The following FLRT2 variants were observed in gnomAD, a reference collection of about 807,000 sequenced individuals.
The protein encoded by FLRT2 is fibronectin leucine rich transmembrane protein 2, also known as leucine-rich repeat transmembrane protein FLRT2.
FLRT2 carries 15 observed loss-of-function variants against 40.0 expected under a neutral mutation model. The observed-to-expected ratio is 0.38, with a 90% CI of 0.25 to 0.58. FLRT2 has a LOEUF of 0.58. Ranked by LOEUF, FLRT2 falls within the 20% of genes least tolerant of loss-of-function variation. FLRT2 has a pLI of 0.71. For synonymous variants in FLRT2, 380 were observed against 336.8 expected, an observed-to-expected ratio of 1.13 and a Z score of -1.41; for missense variants, 726 against 840.0, an observed-to-expected ratio of 0.86 and a Z score of 1.68.
intron 1 of FLRT2, among the ~76,000 whole-genome samples, chr14:85,609,669 G>C (rs538247412): frequency 1.3e-5 from 2 of 152,320 alleles, no homozygotes; most frequent in East Asian, 3.9e-4. Flanking sequence ...ACCAGAGCAT[G>C]AGTGGGCACC....
intron 1 of FLRT2, among the ~76,000 whole-genome samples, chr14:85,602,283 A>C (rs1956633): frequency 0.48 from 72,583 of 151,986 alleles, 17,766 homozygotes; most frequent in East Asian, 0.77. Context: ...ATTCAAATTC[A>C]GTTTCTCAAA....
rs1442073960 is a variant in FLRT2, at chr14:85,646,331, T to G, written c.*22834T>G. The G allele has an allele frequency of 6.6e-6, 1 of 152,208 alleles. No individual in the cohort carries two copies. Among genetic ancestry groups the G allele is most frequent in the Non-Finnish European group, 1.5e-5 (1 of 68,038 alleles). 9.4% of individuals were successfully genotyped at this position (152,208 alleles called of 1,614,324 possible). A position where few individuals can be genotyped will look rare whatever the true frequency, so the allele number is the denominator to read the frequency against. On this transcript the variant is annotated 3_prime_UTR_variant, in exon 2 of 2. Transcript: ENST00000330753. ...AGTGGCCAATACCTGGCCCTTTTTG[T>G]CTGTAGTTAAATGTGATGTGAGGAA...
chr14:85,552,848 G>C (rs1234176692), intron 1 of FLRT2: 1 of 152,128 alleles, frequency 6.6e-6, no homozygotes, highest in Non-Finnish European at 1.5e-5. Flanking sequence ...GCTGCTGTAA[G>C]TAATGACTTT....
At chr14:85,596,985 T>C (rs1276495591) in intron 1 of FLRT2, among the ~76,000 whole-genome samples, 1 of 152,208 alleles carries the variant, frequency 6.6e-6, no homozygotes, top group Non-Finnish European at 1.5e-5. Context: ...TTATTATCTT[T>C]AGCTGTGCCT....
intron 1 of FLRT2, among the ~76,000 whole-genome samples, chr14:85,538,260 A>G (rs1888787582): frequency 6.6e-6 from 1 of 152,162 alleles, no homozygotes; most frequent in African/African-American, 2.4e-5. Flanking sequence ...GTCAAAGAAA[A>G]TATTCTTATA....
chr14:85,585,171 T>C (rs1478000009), intron 1 of FLRT2, among the ~76,000 whole-genome samples: 2 of 152,148 alleles, frequency 1.3e-5, no homozygotes, highest in Non-Finnish European at 2.9e-5. Flanking sequence ...AGGGACCTAA[T>C]GCATGTCCAG....
chr14:85,591,400 A>G (rs1566743927), intron 1 of FLRT2, among the ~76,000 whole-genome samples: 2 of 152,326 alleles, frequency 1.3e-5, no homozygotes, highest in East Asian at 1.9e-4. Context: ...ATCAGTAGTG[A>G]CTGGATGTTG....
intron 1 of FLRT2, among the ~76,000 whole-genome samples, chr14:85,605,884 C>T (rs1892586681): frequency 1.3e-5 from 2 of 152,120 alleles, no homozygotes; most frequent in South Asian, 4.1e-4. Flanking sequence ...TCCATAGCAC[C>T]GATTGAATTC....
At chr14:85,576,061 C>T (rs1891115191) in intron 1 of FLRT2, among the ~76,000 whole-genome samples, 1 of 152,070 alleles carries the variant, frequency 6.6e-6, no homozygotes, top group Non-Finnish European at 1.5e-5. Context: ...TGTTCATGGA[C>T]TTGTTTATTT....
At chr14:85,618,884 A>C (rs1473721037) in intron 1 of FLRT2, among the ~76,000 whole-genome samples, 1 of 152,138 alleles carries the variant, frequency 6.6e-6, no homozygotes, top group East Asian at 1.9e-4. Flanking sequence ...GAGTACCAAG[A>C]TGTTAGGGAA....
At chr14:85,596,501 CGTT>C (rs60592534) in intron 1 of FLRT2, among the ~76,000 whole-genome samples, 6 of 151,662 alleles carry the variant, frequency 4.0e-5, no homozygotes, top group South Asian at 2.1e-4. Context: ...TCTTTGTTGT[CGTT>C]GTTGTTGTTG....
At chr14:85,557,984 T>G (rs1037477338) in intron 1 of FLRT2, among the ~76,000 whole-genome samples, 8 of 152,148 alleles carry the variant, frequency 5.3e-5, no homozygotes, top group Admixed American at 3.9e-4. Flanking sequence ...AATGTAGACT[T>G]CTGTGGAAAG....
chr14:85,572,054 C>T (rs758739691), intron 1 of FLRT2, among the ~76,000 whole-genome samples: 1 of 152,202 alleles, frequency 6.6e-6, no homozygotes, highest in Admixed American at 6.5e-5. Flanking sequence ...CCAGCCTAGA[C>T]AGCTATGGCC....
chr14:85,623,210 A>G lies in FLRT2; in HGVS notation c.1696A>G (p.Met566Val). 6.5e-7 allele frequency: 1 copy of G among 1,536,736 alleles called. No individual in the cohort carries two copies. The highest frequency in any genetic ancestry group is 8.7e-7 in the Non-Finnish European group (1 of 1,143,172). Reference protein sequence around the residue: ...VVLLSVFCWHMHKKGRYTSQK... With the variant: ...VVLLSVFCWHVHKKGRYTSQK... Reference sequence around the variant, plus strand: ...CTTGCTCAGCGTCTTTTGCTGGCATATGCACAAAAAGGGGCGCTACACCTC... The same window carrying G: ...CTTGCTCAGCGTCTTTTGCTGGCATGTGCACAAAAAGGGGCGCTACACCTC... The change falls in exon 2 of 2, where the codon ATG becomes GTG. Residue 566 changes from methionine to valine, a missense_variant. Physicochemically the swap from Met to Val is conservative, Grantham distance 21. This residue lies in a region of FLRT2 where 611 missense variants were observed against 690.0 expected (regional missense o/e 0.89). Transcript: ENST00000330753.
chr14:85,579,248 G>A (rs1891279098), intron 1 of FLRT2, among the ~76,000 whole-genome samples: 1 of 152,106 alleles, frequency 6.6e-6, no homozygotes, highest in African/African-American at 2.4e-5. Flanking sequence ...TGCTTACTGG[G>A]ATTATGGGTT....
intron 1 of FLRT2, among the ~76,000 whole-genome samples, chr14:85,568,359 G>GT (rs1890727478): frequency 6.6e-6 from 1 of 152,116 alleles, no homozygotes; most frequent in African/African-American, 2.4e-5. Context: ...AATGCTTATT[G>GT]TAAGGAGAGT....
intron 1 of FLRT2, among the ~76,000 whole-genome samples, chr14:85,619,098 T>C (rs1893268230): frequency 6.6e-6 from 1 of 151,654 alleles, no homozygotes; most frequent in African/African-American, 2.4e-5. Flanking sequence ...TTTTTTTTTT[T>C]TTTCTTTTTG....
chr14:85,654,408 G>A lies in FLRT2; in HGVS notation c.*30911G>A, dbSNP rs1274770339. ...TCTGTGCATACTCTTAATAAAAAAT[G>A]GTATAATACATTTAAGCAGATTTGC... On this transcript the variant is annotated 3_prime_UTR_variant, in exon 2 of 2. Coordinates refer to ENST00000330753, the MANE Select transcript of FLRT2 (RefSeq NM_013231.6). 2 of 152,008 alleles carry A rather than the reference G, an allele frequency of 1.3e-5. No homozygotes were observed. Among genetic ancestry groups the A allele is most frequent in the South Asian group, 2.1e-4 (1 of 4,804 alleles). The allele number at this position is 152,008 out of a possible 1,614,324, so 9.4% of individuals were successfully genotyped here.
At position 85,637,823 on chromosome 14, in the gene FLRT2, A is replaced by G. The variant is rs938632409; in HGVS notation, c.*14326A>G. 2 of 152,000 alleles carry G rather than the reference A, an allele frequency of 1.3e-5. No individual in the cohort carries two copies. The highest frequency in any genetic ancestry group is 4.8e-5 in the African/African-American group (2 of 41,394). The allele number at this position is 152,000 out of a possible 1,614,324, so 9.4% of individuals were successfully genotyped here. A position where few individuals can be genotyped will look rare whatever the true frequency, so the allele number is the denominator to read the frequency against. On this transcript the variant is annotated 3_prime_UTR_variant, in exon 2 of 2. Coordinates refer to ENST00000330753, the MANE Select transcript of FLRT2 (RefSeq NM_013231.6). ...GCTGGCAGGGCACACACTCTTGCAA[A>G]TTTTTCATGTTGTAATCACCCACCA... is the stretch of plus-strand genomic sequence containing the variant.
Sources: gnomAD v4.1 joint callset for allele counts (sites outside exome capture counted in the v4.1 genomes callset) on GRCh38, gnomAD v4.1.1 for gene constraint, gnomAD v4.1.1 regional missense constraint, MANE v1.5 for transcripts, NCBI Gene and HGNC (gene_info 2026-07-23, HGNC 2026-07-21) for gene names.